ZNF423: variants seen among roughly 807,000 people sequenced by gnomAD.
ZNF423 encodes Ebf-associated zinc finger protein.
A neutral mutation model predicts 95.8 loss-of-function variants in ZNF423; 12 were observed. That is an observed-to-expected ratio of 0.13 (90% confidence interval 0.08 to 0.20). The LOEUF is 0.20. Ranked by LOEUF, ZNF423 falls within the 10% of genes least tolerant of loss-of-function variation. The probability of loss-of-function intolerance (pLI) is 1.00; values close to 1 mark genes in which losing one functional copy is unlikely to be tolerated. For missense variants in ZNF423, 1,316 were observed against 1,737.1 expected (o/e 0.76, Z 4.31); for synonymous variants, 749 against 711.9 (o/e 1.05, Z -0.83).
At chr16:49,733,213 T>TA (rs34982742) in intron 2 of ZNF423, among the ~76,000 whole-genome samples, 60,674 of 150,498 alleles carry the variant, frequency 0.4, 12,270 homozygotes, top group Non-Finnish European at 0.43. Context: ...CTTTCCTTAA[T>TA]AAAAAAAAAA....
chr16:49,816,308 C>G (rs2143995796), intron 1 of ZNF423, among the ~76,000 whole-genome samples: 1 of 152,212 alleles, frequency 6.6e-6, no homozygotes, highest in East Asian at 1.9e-4. Context: ...CAACCTTCCC[C>G]CAGGATTTCA....
intron 2 of ZNF423, among the ~76,000 whole-genome samples, chr16:49,771,001 C>T (rs372369368): frequency 2.0e-5 from 3 of 152,158 alleles, no homozygotes; most frequent in East Asian, 3.9e-4. Context: ...GGCCAAGGGA[C>T]GGAGGAGCAG....
At chr16:49,502,316 A>G (rs545063180) in intron 7 of ZNF423, among the ~76,000 whole-genome samples, 30 of 152,332 alleles carry the variant, frequency 2.0e-4, no homozygotes, top group African/African-American at 6.7e-4. Context: ...GGGTAAGGGT[A>G]GAAGATGAAG....
chr16:49,601,503 G>A (rs1971372814), intron 5 of ZNF423, among the ~76,000 whole-genome samples: 1 of 152,200 alleles, frequency 6.6e-6, no homozygotes, highest in Non-Finnish European at 1.5e-5. Context: ...ATTGTGAAAT[G>A]CTCCTTACTC....
At chr16:49,499,701 G>T (rs1967314847) in intron 7 of ZNF423, among the ~76,000 whole-genome samples, 1 of 152,180 alleles carries the variant, frequency 6.6e-6, no homozygotes, top group Non-Finnish European at 1.5e-5. Flanking sequence ...AGGTGGCTTG[G>T]TCAACAATCA....
At chr16:49,609,180 C>T (rs534550940) in intron 5 of ZNF423, among the ~76,000 whole-genome samples, 1 of 152,292 alleles carries the variant, frequency 6.6e-6, no homozygotes, top group South Asian at 2.1e-4. Flanking sequence ...GCCTGGAATT[C>T]TACCCACACC....
At chr16:49,745,620 G>T (rs993569680) in intron 2 of ZNF423, among the ~76,000 whole-genome samples, 1 of 152,226 alleles carries the variant, frequency 6.6e-6, no homozygotes, top group Non-Finnish European at 1.5e-5. Flanking sequence ...GCGCGACGTG[G>T]TCTTCCCGTT....
At chr16:49,850,208 C>CTCACT (rs1404385319) in intron 1 of ZNF423, among the ~76,000 whole-genome samples, 11 of 152,200 alleles carry the variant, frequency 7.2e-5, no homozygotes, top group Non-Finnish European at 1.5e-4. Flanking sequence ...CATTTCCTCA[C>CTCACT]TCACTTCACC....
At chr16:49,677,312 G>GAAGAGAAGAGAAGA (rs1567284159) in intron 3 of ZNF423, among the ~76,000 whole-genome samples, 1 of 19,648 alleles carries the variant, frequency 5.1e-5, no homozygotes, top group Non-Finnish European at 1.1e-4. Context: ...AGAAGAGAAA[G>GAAGAGAAGAGAAGA]GAGGGGAAGG....
chr16:49,554,584 G>A (rs1471989320), intron 5 of ZNF423, among the ~76,000 whole-genome samples: 1 of 151,904 alleles, frequency 6.6e-6, no homozygotes, highest in East Asian at 1.9e-4. Flanking sequence ...TTCTCCATTT[G>A]TTTTCAGGGA....
intron 2 of ZNF423, among the ~76,000 whole-genome samples, chr16:49,759,845 G>A (rs2033794849): frequency 6.6e-6 from 1 of 152,150 alleles, no homozygotes; most frequent in East Asian, 1.9e-4. Context: ...GATGAGACTA[G>A]GGTCCCTGCT....
chr16:49,795,863 G>A (rs995914476), intron 1 of ZNF423, among the ~76,000 whole-genome samples: 10 of 152,172 alleles, frequency 6.6e-5, no homozygotes, highest in African/African-American at 1.2e-4. Context: ...GGGTGTTTGC[G>A]GCCATCTCTG....
intron 1 of ZNF423, among the ~76,000 whole-genome samples, chr16:49,809,962 C>A (rs536641702): frequency 6.6e-6 from 1 of 152,278 alleles, no homozygotes; most frequent in East Asian, 1.9e-4. Context: ...CCACCCCCAG[C>A]TCCTTCCCTC....
At chr16:49,664,483 G>C (rs569833450) in intron 3 of ZNF423, among the ~76,000 whole-genome samples, 1 of 152,324 alleles carries the variant, frequency 6.6e-6, no homozygotes, top group East Asian at 1.9e-4. Flanking sequence ...AGGAGTTCTG[G>C]CTCCCCTGCC....
At position 49,783,408 on chromosome 16, in the gene ZNF423, G is replaced by A. The variant is rs1380638689; in HGVS notation, c.100+6079C>T. ...GGGAAAGAGGGGCGTTAGGGTTAGG[G>A]TTAGAGTAGGGTTAGGGTTAGTAGC... On this transcript the variant is annotated intron_variant, in intron 2 of 7. Transcript: ENST00000563137. 5.3e-5 allele frequency among the ~76,000 whole-genome samples: 7 copies of A among 132,260 alleles called. No individual in the cohort carries two copies. The East Asian group carries it at 9.2e-4, about 17-fold the overall frequency. The allele number at this position is 132,260 out of a possible 152,430, so 86.8% of individuals were successfully genotyped here.
Position 49,590,050 on chromosome 16 carries a change from A to ATATATATG in ZNF423, c.3601+36119_3601+36120insCATATATA, listed in dbSNP as rs552421632. On this transcript the variant is annotated intron_variant, in intron 5 of 7. Coordinates refer to ENST00000563137, the MANE Select transcript of ZNF423 (RefSeq NM_001379286.1). ...GGCGAATATATATATATATATATAT[A>ATATATATG]TTTGGTCCATACAGACGTGACCAGA... Among the ~76,000 whole-genome samples, 546 of 117,548 alleles carry ATATATATG rather than the reference A, an allele frequency of 4.6e-3. 64 individuals carry two copies. Among genetic ancestry groups the ATATATATG allele is most frequent in the East Asian group, 0.02 (56 of 2,776 alleles). The allele number at this position is 117,548 out of a possible 152,430, so 77.1% of individuals were successfully genotyped here.
chr16:49,710,395 C>T (rs745818343), intron 3 of ZNF423, among the ~76,000 whole-genome samples: 8 of 152,142 alleles, frequency 5.3e-5, no homozygotes, highest in Non-Finnish European at 1.2e-4. Context: ...GTAGACTCTC[C>T]GGCACCCCAG....
intron 3 of ZNF423, among the ~76,000 whole-genome samples, chr16:49,692,984 G>A (rs1044391810): frequency 1.3e-4 from 20 of 152,242 alleles, no homozygotes; most frequent in Non-Finnish European, 1.3e-4. Context: ...AGCAATCGTA[G>A]AATGCCTCTG....
At chr16:49,510,557 C>T (rs1460081478) in intron 7 of ZNF423, among the ~76,000 whole-genome samples, 1 of 152,168 alleles carries the variant, frequency 6.6e-6, no homozygotes, top group African/African-American at 2.4e-5. Flanking sequence ...ACTGAGACTC[C>T]CCATGTGGGC....
Sources: allele counts gnomAD v4.1 joint callset (sites outside exome capture counted in the v4.1 genomes callset), GRCh38; gene constraint gnomAD v4.1.1; transcripts MANE v1.5; gene names NCBI Gene and HGNC (gene_info 2026-07-23, HGNC 2026-07-21).